Variants in RDM1 observed in about 807,000 individuals in gnomAD.
The protein encoded by RDM1 is RAD52 motif-containing protein 1.
In RDM1, 28 loss-of-function variants were observed where a neutral mutation model predicts 27.7. The observed-to-expected ratio is 1.01, with a 90% CI of 0.75 to 1.39. RDM1 has a LOEUF of 1.39. Among genes scored for constraint, RDM1 ranks in the 40% most tolerant of loss-of-function variants. The probability of loss-of-function intolerance (pLI) is 0.00; values close to 1 mark genes in which losing one functional copy is unlikely to be tolerated. For synonymous variants in RDM1, 124 were observed against 127.5 expected (o/e 0.97, Z 0.19); for missense variants, 277 against 337.3 (o/e 0.82, Z 1.40).
At chr17:35,926,561 G>A (rs1286060651) in intron 2 of RDM1, among the ~76,000 whole-genome samples, 1 of 152,012 alleles carries the variant, frequency 6.6e-6, no homozygotes, top group African/African-American at 2.4e-5. Flanking sequence ...CTGCCACCAC[G>A]CCCGGCTAAT....
rs2141918912 is a variant in RDM1 at position 35,918,111 on chromosome 17, C to A, written c.*231G>T. ...TAGGCAACCTTTATTAAGTTCCGTT[C>A]GAGATCCGCTCCTCGTCACCAGGGC... On this transcript the variant is annotated 3_prime_UTR_variant, in exon 7 of 7. Transcript: ENST00000620284. 3.4e-6 allele frequency: 2 copies of A among 583,914 alleles called. No individual in the cohort carries two copies. Among genetic ancestry groups the A allele is most frequent in the East Asian group, 2.8e-5 (1 of 35,658 alleles). The allele number at this position is 583,914 out of a possible 1,614,324, so 36.2% of individuals were successfully genotyped here. A position where few individuals can be genotyped will look rare whatever the true frequency, so the allele number is the denominator to read the frequency against.
intron 4 of RDM1, among the ~76,000 whole-genome samples, chr17:35,924,211 A>T (rs1196113872): frequency 6.6e-6 from 1 of 152,134 alleles, no homozygotes; most frequent in Non-Finnish European, 1.5e-5. Flanking sequence ...ACAGAGCAAG[A>T]TCCTATCTCT....
chr17:35,924,864 G>A (rs777629935), intron 3 of RDM1, 92 bp from the exon 4 acceptor site: 3 of 1,288,094 alleles, frequency 2.3e-6, no homozygotes, highest in East Asian at 2.4e-5. Flanking sequence ...GGCTGGGCGT[G>A]GTGGTTCACG....
At chr17:35,930,321 C>T (rs1598696460) in intron 1 of RDM1, 66 bp from the exon 2 acceptor site, 4 of 1,596,808 alleles carry the variant, frequency 2.5e-6, no homozygotes, top group Admixed American at 1.7e-5. Flanking sequence ...CACATGCCCT[C>T]ATATTCCCCA....
chr17:35,929,564 C>T (rs537445692), intron 2 of RDM1, among the ~76,000 whole-genome samples: 101 of 152,336 alleles, frequency 6.6e-4, no homozygotes, highest in African/African-American at 2.4e-3. Flanking sequence ...GCTTCAGCCT[C>T]CCGAGTAGCT....
At chr17:35,926,692 T>C (rs542215231) in intron 2 of RDM1, among the ~76,000 whole-genome samples, 122 of 152,258 alleles carry the variant, frequency 8.0e-4, no homozygotes, top group Middle Eastern at 3.4e-3. Flanking sequence ...TGTGAGCCAC[T>C]GCGCCTGGCC....
intron 4 of RDM1, among the ~76,000 whole-genome samples, chr17:35,924,240 A>T (rs1023903103): frequency 1.4e-4 from 21 of 151,784 alleles, no homozygotes; most frequent in Middle Eastern, 3.4e-3. Flanking sequence ...ATAAATAGAT[A>T]AAAAAAAATC....
chr17:35,920,424 C>A, intron 5 of RDM1, 152 bp from the exon 6 acceptor site: 1 of 409,090 alleles, frequency 2.4e-6, no homozygotes, highest in Non-Finnish European at 4.3e-6. Flanking sequence ...CTCCTCATCT[C>A]ACACTTCAGT....
At chr17:35,926,681 G>A (rs918083629) in intron 2 of RDM1, among the ~76,000 whole-genome samples, 2 of 152,130 alleles carry the variant, frequency 1.3e-5, no homozygotes, top group East Asian at 3.9e-4. Flanking sequence ...TGGGATACAG[G>A]TGTGAGCCAC....
chr17:35,920,456 CTTTT>C (rs60990791), intron 5 of RDM1, among the ~76,000 whole-genome samples, 184 bp from the exon 6 acceptor site: 2 of 118,022 alleles, frequency 1.7e-5, no homozygotes, highest in Non-Finnish European at 3.2e-5. Flanking sequence ...TTCTTTCTTT[CTTTT>C]TTTTTTTTTT....
At chr17:35,926,664 A>G (rs556283241) in intron 2 of RDM1, among the ~76,000 whole-genome samples, 1 of 152,170 alleles carries the variant, frequency 6.6e-6, no homozygotes, top group African/African-American at 2.4e-5. Flanking sequence ...TCGGCCTCCC[A>G]AAGTGCTGGG....
Position 35,920,448 on chromosome 17 carries a change from CTTTCTTTCTTTTTTTT to C in RDM1, c.668-192_668-177del, listed in dbSNP as rs989092030. Among the ~76,000 whole-genome samples, 427 of 141,942 alleles carry C rather than the reference CTTTCTTTCTTTTTTTT, an allele frequency of 3.0e-3. 2 individuals carry two copies. Among genetic ancestry groups the C allele is most frequent in the African/African-American group, 0.011 (401 of 36,504 alleles). 93.1% of individuals were successfully genotyped at this position (141,942 alleles called of 152,430 possible). On this transcript the variant is annotated intron_variant, in intron 5 of 6. Transcript: ENST00000620284. Reference sequence around the variant, plus strand: ...TCACACTTCAGTTTTTTCTTTCTTTCTTTCTTTCTTTTTTTTTTTTTTTTTAGAAGACAGGGTCTCT... The same window carrying C: ...TCACACTTCAGTTTTTTCTTTCTTTCTTTTTTTTTAGAAGACAGGGTCTCT...
At chr17:35,930,552 T>A in intron 1 of RDM1, 80 bp downstream of exon 1, 1 of 1,348,108 alleles carries the variant, frequency 7.4e-7, no homozygotes, top group East Asian at 2.3e-5. Flanking sequence ...CAGGTGAGGG[T>A]CTGAGGCAGG....
chr17:35,918,590 A>G, intron 6 of RDM1, 147 bp from the exon 7 acceptor site: 3 of 692,386 alleles, frequency 4.3e-6, no homozygotes, highest in South Asian at 1.8e-5. Flanking sequence ...CTGCCAGGGA[A>G]TAAGTGAAGA....
Position 35,930,261 on chromosome 17 carries a change from G to C in RDM1, c.97-6C>G. On this transcript the variant is annotated splice_polypyrimidine_tract_variant and splice_region_variant and intron_variant, in intron 1 of 6. Transcript: ENST00000620284. ...AATGCTGTGAACAGAGAATGCTGTG[G>C]GGGTGGGACAAGTAAATGCATGAAA... 1 of 1,614,126 alleles carries C rather than the reference G, an allele frequency of 6.2e-7. No homozygotes were observed. The highest frequency in any genetic ancestry group is 8.5e-7 in the Non-Finnish European group (1 of 1,180,040).
chr17:35,930,202 G>A lies in RDM1; in HGVS notation c.150C>T (p.Val50=), dbSNP rs149206374. The A allele has an allele frequency of 6.2e-7, 1 of 1,614,072 alleles. No homozygotes were observed. Among genetic ancestry groups the A allele is most frequent in the African/African-American group, 1.3e-5 (1 of 74,930 alleles). Reference sequence around the variant, plus strand: ...GATGGGCCACTGCAGCATTTGGGAAGACCCGGACTGAATACAGAAGGCCAA... The same window carrying A: ...GATGGGCCACTGCAGCATTTGGGAAAACCCGGACTGAATACAGAAGGCCAA... The part of the protein sequence containing the change: ...SQFGLLYSVR[V]FPNAAVAHPG... Residue 50 remains valine (V), a synonymous_variant, in exon 2 of 7, where the codon GTC becomes GTT. Coordinates refer to ENST00000620284, the MANE Select transcript of RDM1 (RefSeq NM_145654.4).
At chr17:35,921,608 A>G (rs2088947359) in intron 5 of RDM1, among the ~76,000 whole-genome samples, 1 of 152,246 alleles carries the variant, frequency 6.6e-6, no homozygotes, top group Admixed American at 6.5e-5. Flanking sequence ...TACTTGCCCA[A>G]TGTGTCAGTG....
rs769336566 is a variant in RDM1, at chr17:35,925,639, T to TA, written c.277-3dup. 1 of 1,612,254 alleles carries TA rather than the reference T, an allele frequency of 6.2e-7. No homozygotes were observed. Among genetic ancestry groups the TA allele is most frequent in the Non-Finnish European group, 8.5e-7 (1 of 1,178,794 alleles). ...CTTATGTCTGGTGCCAAGACGAACC[T>TA]AAAATCATAGGAGATAGACCCATAA... On this transcript the variant is annotated splice_polypyrimidine_tract_variant and splice_region_variant and intron_variant, in intron 2 of 6. Transcript: ENST00000620284.
chr17:35,919,456 A>G (rs2088863815), intron 6 of RDM1, among the ~76,000 whole-genome samples: 1 of 152,220 alleles, frequency 6.6e-6, no homozygotes. Flanking sequence ...CACCTAGGCT[A>G]TATGGTATGG....
Sources: gnomAD v4.1 joint callset for allele counts (sites outside exome capture counted in the v4.1 genomes callset) on GRCh38, gnomAD v4.1.1 for gene constraint, MANE v1.5 for transcripts, NCBI Gene and HGNC (gene_info 2026-07-23, HGNC 2026-07-21) for gene names.